The following RELN variants were observed in gnomAD, a reference collection of about 807,000 sequenced individuals.
RELN encodes the protein reelin.
A neutral mutation model predicts 427.6 loss-of-function variants in RELN; 108 were observed. The observed-to-expected ratio is 0.25, with a 90% CI of 0.22 to 0.30. The LOEUF is 0.30. Among genes scored for constraint, RELN ranks in the 10% least tolerant of loss-of-function variants. The pLI, the probability that RELN is intolerant of heterozygous loss-of-function variation, is 1.00. For missense variants in RELN, 3,715 were observed against 4,302.8 expected, an observed-to-expected ratio of 0.86 and a Z score of 3.82; for synonymous variants, 1,524 against 1,513.4, an observed-to-expected ratio of 1.01 and a Z score of -0.16.
intron 2 of RELN, among the ~76,000 whole-genome samples, chr7:103,875,095 C>T (rs1166760383): frequency 6.9e-6 from 1 of 145,596 alleles, no homozygotes; most frequent in Non-Finnish European, 1.5e-5. Flanking sequence ...CTGAGAAAAA[C>T]AAGCAATGGG....
intron 44 of RELN, 65 bp downstream of exon 44, chr7:103,540,132 G>A: frequency 6.3e-7 from 1 of 1,582,730 alleles, no homozygotes; most frequent in Non-Finnish European, 8.7e-7. Context: ...TGAACTAAAT[G>A]CCTTCTAAGG....
chr7:103,819,018 C>G (rs909992602), intron 3 of RELN, among the ~76,000 whole-genome samples: 1 of 151,902 alleles, frequency 6.6e-6, no homozygotes, highest in African/African-American at 2.4e-5. Context: ...AAATATACCC[C>G]AAGATACACA....
At chr7:103,928,099 T>C (rs1020737680) in intron 1 of RELN, among the ~76,000 whole-genome samples, 3 of 152,320 alleles carry the variant, frequency 2.0e-5, no homozygotes, top group Admixed American at 6.5e-5. Context: ...AACTAAAATA[T>C]AGATTTTTAT....
chr7:103,927,120 T>C (rs1382982429), intron 1 of RELN, among the ~76,000 whole-genome samples: 1 of 152,206 alleles, frequency 6.6e-6, no homozygotes, highest in Non-Finnish European at 1.5e-5. Context: ...CTATTACTAA[T>C]TTATATAAGA....
At chr7:103,868,675 A>T (rs1354970637) in intron 2 of RELN, among the ~76,000 whole-genome samples, 1 of 152,056 alleles carries the variant, frequency 6.6e-6, no homozygotes, top group Non-Finnish European at 1.5e-5. Context: ...TCCAGCTATG[A>T]TCTTGGCTTT....
chr7:103,685,985 C>T (rs1372765095), intron 10 of RELN, among the ~76,000 whole-genome samples: 1 of 152,188 alleles, frequency 6.6e-6, no homozygotes, highest in Non-Finnish European at 1.5e-5. Context: ...TGTAAAAGTG[C>T]TTACATTTGC....
intron 2 of RELN, among the ~76,000 whole-genome samples, chr7:103,900,477 C>A (rs966328285): frequency 6.6e-6 from 1 of 152,078 alleles, no homozygotes; most frequent in Non-Finnish European, 1.5e-5. Context: ...AAAAAAAGAG[C>A]CCGCATAGCC....
chr7:103,935,170 C>G (rs575253410), intron 1 of RELN, among the ~76,000 whole-genome samples: 1 of 152,284 alleles, frequency 6.6e-6, no homozygotes, highest in Non-Finnish European at 1.5e-5. Flanking sequence ...TTTAGTTGGT[C>G]TGTAATCATA....
intron 8 of RELN, among the ~76,000 whole-genome samples, chr7:103,704,911 A>T (rs1218366529): frequency 2.6e-5 from 4 of 152,136 alleles, no homozygotes; most frequent in Non-Finnish European, 4.4e-5. Flanking sequence ...CATGTTGCCA[A>T]ATCAACAGAT....
chr7:103,636,167 T>C (rs779574066), intron 18 of RELN, 68 bp downstream of exon 18: 4 of 1,016,286 alleles, frequency 3.9e-6, no homozygotes, highest in Non-Finnish European at 6.1e-6. Context: ...GAAATAAAAA[T>C]GGACAGTATA....
At chr7:103,841,026 A>C (rs1315576511) in intron 2 of RELN, among the ~76,000 whole-genome samples, 1 of 152,122 alleles carries the variant, frequency 6.6e-6, no homozygotes, top group Non-Finnish European at 1.5e-5. Context: ...GTTCATATGA[A>C]ATTTCTTCTC....
intron 28 of RELN, among the ~76,000 whole-genome samples, chr7:103,588,077 A>T (rs118027018): frequency 0.028 from 4,262 of 152,344 alleles, 90 homozygotes; most frequent in Non-Finnish European, 0.041. Context: ...TCAAAGGGAT[A>T]CCTGCACTTT....
In RELN at chr7:103,676,023, C is replaced by T. The variant is rs559604834; in HGVS notation, c.1289+6093G>A. 1.4e-4 allele frequency among the ~76,000 whole-genome samples: 22 copies of T among 152,096 alleles called. 1 individual carries two copies. The South Asian group carries it at 1.5e-3, about 10-fold the overall frequency. ...ACACCAAAAGCAATGGCAACAAAAGCCAAAATTGACAAATGGGATCTAATT... is the reference window on the plus strand; with the variant it reads ...ACACCAAAAGCAATGGCAACAAAAGTCAAAATTGACAAATGGGATCTAATT... On this transcript the variant is annotated intron_variant, in intron 11 of 64. Transcript: ENST00000428762.
intron 14 of RELN, 143 bp downstream of exon 14, chr7:103,652,408 A>G: frequency 1.4e-6 from 1 of 690,762 alleles, no homozygotes; most frequent in Non-Finnish European, 2.5e-6. Context: ...AGAACTTTTC[A>G]TTTGGCAAAA....
intron 6 of RELN, among the ~76,000 whole-genome samples, chr7:103,739,184 A>G (rs1041952927): frequency 1.3e-5 from 2 of 152,248 alleles, no homozygotes; most frequent in African/African-American, 4.8e-5. Context: ...CAAAAAAATC[A>G]AGAATTTCCC....
chr7:103,766,540 T>A (rs1237610880), intron 4 of RELN, among the ~76,000 whole-genome samples: 1 of 152,220 alleles, frequency 6.6e-6, no homozygotes, highest in Non-Finnish European at 1.5e-5. Flanking sequence ...TAGTTGGGTA[T>A]AAAGTTACAC....
chr7:103,951,381 T>C (rs1361866715), intron 1 of RELN, among the ~76,000 whole-genome samples: 1 of 152,244 alleles, frequency 6.6e-6, no homozygotes, highest in Admixed American at 6.5e-5. Context: ...AATGTTACTT[T>C]AATTTAAATC....
intron 1 of RELN, among the ~76,000 whole-genome samples, chr7:103,982,712 T>G (rs1298765325): frequency 2.6e-5 from 4 of 152,246 alleles, no homozygotes; most frequent in African/African-American, 7.2e-5. Context: ...GTGACCTTAG[T>G]CCTTATGGTC....
chr7:103,504,179 G>A (rs1829132117), intron 51 of RELN, among the ~76,000 whole-genome samples: 1 of 152,246 alleles, frequency 6.6e-6, no homozygotes, highest in South Asian at 2.1e-4. Context: ...ACTCTAGCCT[G>A]GGCAACAGAG....
Sources: gnomAD v4.1 joint callset for allele counts (sites outside exome capture counted in the v4.1 genomes callset) on GRCh38, gnomAD v4.1.1 for gene constraint, MANE v1.5 for transcripts, NCBI Gene and HGNC (gene_info 2026-07-23, HGNC 2026-07-21) for gene names.